The following MGAT4C variants were observed in gnomAD, a reference collection of about 807,000 sequenced individuals.
The protein encoded by MGAT4C is MGAT4 family member C.
In MGAT4C, 19 loss-of-function variants were observed where a neutral mutation model predicts 40.1. The observed-to-expected ratio is 0.47, with a 90% CI of 0.33 to 0.70. The LOEUF (loss-of-function observed/expected upper bound fraction) is 0.70. Among genes scored for constraint, MGAT4C ranks in the 30% least tolerant of loss-of-function variants. MGAT4C has a pLI of 0.02. For synonymous variants in MGAT4C, 181 were observed against 187.1 expected, an observed-to-expected ratio of 0.97 and a Z score of 0.27; for missense variants, 491 against 563.2, an observed-to-expected ratio of 0.87 and a Z score of 1.30.
At chr12:86,491,849 T>C (rs1266998941) in intron 2 of MGAT4C, among the ~76,000 whole-genome samples, 1 of 151,946 alleles carries the variant, frequency 6.6e-6, no homozygotes, top group African/African-American at 2.4e-5. Flanking sequence ...AAAGAGGAAG[T>C]CAAATTGTCC....
intron 1 of MGAT4C, among the ~76,000 whole-genome samples, chr12:86,082,565 G>A (rs764040877): frequency 6.6e-6 from 1 of 152,230 alleles, no homozygotes; most frequent in Admixed American, 6.5e-5. Flanking sequence ...TCAGGGAAAA[G>A]AGAAAATAAA....
chr12:86,765,116 A>T (rs962983034), intron 1 of MGAT4C, among the ~76,000 whole-genome samples: 7 of 150,550 alleles, frequency 4.6e-5, no homozygotes, highest in East Asian at 1.9e-4. Context: ...TAAAAACTTT[A>T]AAAAAAAATT....
At chr12:86,460,062 A>G (rs1957574405) in intron 2 of MGAT4C, among the ~76,000 whole-genome samples, 1 of 152,128 alleles carries the variant, frequency 6.6e-6, no homozygotes, top group South Asian at 2.1e-4. Flanking sequence ...ACCTAAGAAC[A>G]TTTTGAGGCG....
At chr12:86,366,570 G>C (rs543212079) in intron 3 of MGAT4C, among the ~76,000 whole-genome samples, 1 of 152,248 alleles carries the variant, frequency 6.6e-6, no homozygotes, top group African/African-American at 2.4e-5. Context: ...GGACTACTAG[G>C]AGGAGGAGAG....
chr12:86,632,946 G>A (rs1565895452), intron 2 of MGAT4C, among the ~76,000 whole-genome samples: 1 of 151,748 alleles, frequency 6.6e-6, no homozygotes, highest in Non-Finnish European at 1.5e-5. Flanking sequence ...TAACTATTGG[G>A]ATTTAATGTC....
At chr12:86,414,048 C>T (rs896262027) in intron 3 of MGAT4C, among the ~76,000 whole-genome samples, 9 of 151,200 alleles carry the variant, frequency 6.0e-5, no homozygotes, top group Admixed American at 4.6e-4. Flanking sequence ...GAAATTGCTC[C>T]AGAAAAATGC....
rs185646419 is a variant in MGAT4C, at chr12:85,973,507, T to C, written c.*5782A>G. ...TCTTAAATAAAGTAATGATTCTCTT[T>C]ATATTAAATTTAATGTATGTGTGCC... On this transcript the variant is annotated 3_prime_UTR_variant, in exon 5 of 5. Coordinates refer to ENST00000611864, the MANE Select transcript of MGAT4C (RefSeq NM_001351288.2). 5.3e-4 allele frequency: 80 copies of C among 150,910 alleles called. No individual in the cohort carries two copies. Among genetic ancestry groups the C allele is most frequent in the Non-Finnish European group, 1.0e-4 (7 of 67,048 alleles). The allele number at this position is 150,910 out of a possible 1,614,324, so 9.3% of individuals were successfully genotyped here. A position where few individuals can be genotyped will look rare whatever the true frequency, so the allele number is the denominator to read the frequency against.
intron 1 of MGAT4C, among the ~76,000 whole-genome samples, chr12:86,092,762 G>A (rs546361655): frequency 1.3e-5 from 2 of 152,078 alleles, no homozygotes; most frequent in Non-Finnish European, 2.9e-5. Context: ...GCAGGGCATA[G>A]GCCTCTAAAG....
rs530453188 is a variant in MGAT4C, at chr12:86,139,483, T to A, written c.-56-89760A>T. Among the ~76,000 whole-genome samples, 4 of 152,200 alleles carry A rather than the reference T, an allele frequency of 2.6e-5. No individual in the cohort carries two copies. The South Asian group carries it at 8.3e-4, about 32-fold the overall frequency. On this transcript the variant is annotated intron_variant, in intron 1 of 4. Coordinates refer to ENST00000611864, the MANE Select transcript of MGAT4C (RefSeq NM_001351288.2). Reference sequence around the variant, plus strand: ...CTCAAAATTATGTTCCTTATCTTCATATATGTTATATGAATCTTTTTTTAA... The same window carrying A: ...CTCAAAATTATGTTCCTTATCTTCAAATATGTTATATGAATCTTTTTTTAA...
chr12:86,744,128 C>T lies in MGAT4C; in HGVS notation c.-261-16887G>A, dbSNP rs151331358. ...GCTGAAGCTGGTGCTGTAGCTGCAA[C>T]TACAAGAGAGTACTGCTCCACAAGA... is the stretch of plus-strand genomic sequence containing the variant. On this transcript the variant is annotated intron_variant, in intron 1 of 7. Transcript: ENST00000548651. 6.6e-5 allele frequency among the ~76,000 whole-genome samples: 10 copies of T among 151,622 alleles called. No homozygotes were observed. The East Asian group carries it at 1.6e-3, about 24-fold the overall frequency.
chr12:86,310,214 G>T (rs61950695), intron 4 of MGAT4C, among the ~76,000 whole-genome samples: 2 of 151,730 alleles, frequency 1.3e-5, no homozygotes, highest in Non-Finnish European at 2.9e-5. Flanking sequence ...TGGGCTGATT[G>T]TAAGAAGAAT....
chr12:86,719,084 TGTCCA>T (rs1310963852), intron 2 of MGAT4C, among the ~76,000 whole-genome samples: 1 of 152,208 alleles, frequency 6.6e-6, no homozygotes, highest in Non-Finnish European at 1.5e-5. Flanking sequence ...CACAATATCC[TGTCCA>T]GGTTCAAGGA....
chr12:86,074,823 G>C (rs1028865592), intron 1 of MGAT4C, among the ~76,000 whole-genome samples: 1 of 152,108 alleles, frequency 6.6e-6, no homozygotes, highest in African/African-American at 2.4e-5. Flanking sequence ...CAGATCTCGT[G>C]AGACTTATTT....
intron 2 of MGAT4C, among the ~76,000 whole-genome samples, chr12:86,477,252 T>G (rs903551829): frequency 5.3e-5 from 8 of 150,988 alleles, no homozygotes; most frequent in Non-Finnish European, 8.8e-5. Flanking sequence ...AAAAACCTTG[T>G]TATTTGCAGT....
intron 2 of MGAT4C, among the ~76,000 whole-genome samples, chr12:86,598,382 T>C (rs979002060): frequency 6.6e-6 from 1 of 152,160 alleles, no homozygotes; most frequent in Admixed American, 6.5e-5. Context: ...TAGAGATATA[T>C]GTATTTATAC....
At chr12:85,999,492 T>C (rs927437898) in intron 2 of MGAT4C, among the ~76,000 whole-genome samples, 3 of 151,912 alleles carry the variant, frequency 2.0e-5, no homozygotes, top group Admixed American at 6.6e-5. Context: ...CCCCTGTGTA[T>C]TGCAGCACTA....
chr12:86,313,758 A>G (rs1954133865), intron 4 of MGAT4C, among the ~76,000 whole-genome samples: 1 of 152,218 alleles, frequency 6.6e-6, no homozygotes, highest in Non-Finnish European at 1.5e-5. Context: ...AGATAATTAG[A>G]AATATTTGTT....
intron 2 of MGAT4C, among the ~76,000 whole-genome samples, chr12:86,639,977 T>A (rs1158791573): frequency 6.6e-6 from 1 of 151,676 alleles, no homozygotes; most frequent in African/African-American, 2.4e-5. Context: ...TTATGAAACA[T>A]CATATATATA....
At chr12:86,738,535 T>C (rs1593163860) in intron 1 of MGAT4C, among the ~76,000 whole-genome samples, 1 of 151,304 alleles carries the variant, frequency 6.6e-6, no homozygotes, top group East Asian at 1.9e-4. Flanking sequence ...TCAATTAATA[T>C]TTGTTAAATG....
Sources: gnomAD v4.1 joint callset for allele counts (sites outside exome capture counted in the v4.1 genomes callset) on GRCh38, gnomAD v4.1.1 for gene constraint, MANE v1.5 for transcripts, NCBI Gene and HGNC (gene_info 2026-07-23, HGNC 2026-07-21) for gene names.